CNBD1: variants seen among roughly 807,000 people sequenced by gnomAD.
CNBD1 encodes the protein cyclic nucleotide binding domain containing 1.
A neutral mutation model predicts 54.4 loss-of-function variants in CNBD1; 71 were observed. That is an observed-to-expected ratio of 1.30 (90% CI 1.08 to 1.59). The LOEUF is 1.59. CNBD1 is among the 40% of genes most tolerant of loss of function. The probability of loss-of-function intolerance (pLI) is 0.00; values close to 1 mark genes in which losing one functional copy is unlikely to be tolerated. For missense variants in CNBD1, 659 were observed against 518.0 expected (o/e 1.27, Z -2.64); for synonymous variants, 182 against 170.7 (o/e 1.07, Z -0.51).
At chr8:86,995,306 G>A (rs1022732274) in intron 4 of CNBD1, among the ~76,000 whole-genome samples, 6 of 152,190 alleles carry the variant, frequency 3.9e-5, no homozygotes, top group South Asian at 4.1e-4. Flanking sequence ...TAATTTAAAC[G>A]TTAAGATAGT....
rs115762510 is a variant in CNBD1, at chr8:87,416,034, C to T, written c.214-12512C>T. ...ACACACACAAAAATAGATTTCAAGG[C>T]GGAAAAAAGCTTTACTATAAATAAG... On this transcript the variant is annotated intron_variant, in intron 2 of 7. Coordinates refer to the CNBD1 transcript ENST00000521593. Among the ~76,000 whole-genome samples the T allele has an allele frequency of 8.8e-3, 1,335 of 151,524 alleles. 35 individuals are homozygous for T. Among genetic ancestry groups the T allele is most frequent in the African/African-American group, 0.03 (1,237 of 41,418 alleles).
chr8:87,119,500 T>C (rs1436484658), intron 4 of CNBD1, among the ~76,000 whole-genome samples: 1 of 152,112 alleles, frequency 6.6e-6, no homozygotes, highest in Non-Finnish European at 1.5e-5. Flanking sequence ...TGGATTTTTG[T>C]AGATATAAGG....
intron 8 of CNBD1, among the ~76,000 whole-genome samples, chr8:87,340,072 G>T (rs1331965252): frequency 1.3e-5 from 2 of 152,096 alleles, no homozygotes; most frequent in African/African-American, 4.8e-5. Flanking sequence ...CCTAAGGCAG[G>T]TCTAGTTATA....
chr8:87,391,044 G>A (rs548152691), intron 2 of CNBD1, among the ~76,000 whole-genome samples: 1 of 145,016 alleles, frequency 6.9e-6, no homozygotes, highest in South Asian at 2.4e-4. Flanking sequence ...TGAACAAAGA[G>A]AACCCATGGA....
chr8:87,115,867 G>A (rs543760136), intron 4 of CNBD1, among the ~76,000 whole-genome samples: 1 of 152,184 alleles, frequency 6.6e-6, no homozygotes, highest in East Asian at 1.9e-4. Context: ...TAATCGATCC[G>A]TTTACCTTCT....
At position 87,206,125 on chromosome 8, in the gene CNBD1, G is replaced by A; in HGVS notation, c.564G>A (p.Leu188=). The A allele has an allele frequency of 1.3e-6, 2 of 1,588,776 alleles. No individual in the cohort carries two copies. Among genetic ancestry groups the A allele is most frequent in the Non-Finnish European group, 1.7e-6 (2 of 1,169,606 alleles). ...AGACTGTCTTTTCCGAAACCTGGTT[G>A]AAAGGCAGCACAGGTAATAGACTAA... The part of the protein sequence containing the change: ...LSKTVFSETW[L]KGSTVVANDG... Residue 188 remains leucine (L), a synonymous_variant, in exon 5 of 11, where the codon TTG becomes TTA. Coordinates refer to ENST00000518476, the MANE Select transcript of CNBD1 (RefSeq NM_173538.3).
Position 87,274,685 on chromosome 8 carries a change from G to A in CNBD1, c.772-9993G>A, listed in dbSNP as rs1478707276. Among the ~76,000 whole-genome samples the A allele has an allele frequency of 4.0e-4, 54 of 133,686 alleles. 13 individuals are homozygous for A. Among genetic ancestry groups the A allele is most frequent in the African/African-American group, 1.6e-3 (52 of 32,960 alleles). The allele number at this position is 133,686 out of a possible 152,430, so 87.7% of individuals were successfully genotyped here. On this transcript the variant is annotated intron_variant, in intron 6 of 10. Transcript: ENST00000518476. The stretch of plus-strand genomic sequence containing the variant: ...TGGATATTAGCCCTTTGTCAGATGA[G>A]TAGGTTGTGAAAATTTTCTCCCATT...
chr8:87,389,605 T>C (rs1811266158), intron 2 of CNBD1, among the ~76,000 whole-genome samples: 1 of 151,998 alleles, frequency 6.6e-6, no homozygotes. Flanking sequence ...TAAAAGAGGA[T>C]ACAAACAAAT....
chr8:87,126,389 G>A lies in CNBD1; in HGVS notation c.432-79604G>A, dbSNP rs558496787. On this transcript the variant is annotated intron_variant, in intron 4 of 10. Coordinates refer to ENST00000518476, the MANE Select transcript of CNBD1 (RefSeq NM_173538.3). ...TGTGGTTTGAATTTGCATTTTCCTA[G>A]TGATAACTGGTGTTGAGCATCTTTC... 1.6e-4 allele frequency among the ~76,000 whole-genome samples: 24 copies of A among 152,056 alleles called. No homozygotes were observed. The South Asian group carries it at 4.8e-3, about 30-fold the overall frequency.
chr8:87,052,066 T>A (rs1810322056), intron 4 of CNBD1, among the ~76,000 whole-genome samples: 1 of 152,208 alleles, frequency 6.6e-6, no homozygotes, highest in Non-Finnish European at 1.5e-5. Context: ...TGTCCTGGCT[T>A]ACCACACTGG....
intron 4 of CNBD1, among the ~76,000 whole-genome samples, chr8:87,132,099 T>C (rs1035384888): frequency 1.3e-5 from 2 of 151,952 alleles, no homozygotes; most frequent in African/African-American, 4.8e-5. Context: ...TAATGTGTCT[T>C]GGGGCACTGC....
chr8:87,368,816 G>A (rs1433364637), intron 10 of CNBD1, among the ~76,000 whole-genome samples: 1 of 151,854 alleles, frequency 6.6e-6, no homozygotes, highest in African/African-American at 2.4e-5. Context: ...TCATGCTCAT[G>A]GACAACATAT....
intron 8 of CNBD1, among the ~76,000 whole-genome samples, chr8:87,297,229 CTAATT>C (rs1165297741): frequency 2.8e-5 from 4 of 145,102 alleles, no homozygotes; most frequent in Non-Finnish European, 4.5e-5. Context: ...ATACACATAA[CTAATT>C]TAATATGTGA....
At chr8:87,188,109 T>G (rs1230386772) in intron 4 of CNBD1, among the ~76,000 whole-genome samples, 1 of 152,206 alleles carries the variant, frequency 6.6e-6, no homozygotes, top group Non-Finnish European at 1.5e-5. Context: ...AGGAATTTTT[T>G]ATTCCTGAAA....
chr8:87,185,636 C>G (rs112451774), intron 4 of CNBD1, among the ~76,000 whole-genome samples: 28 of 152,276 alleles, frequency 1.8e-4, no homozygotes, highest in African/African-American at 5.5e-4. Context: ...TTTTTAGAAA[C>G]AAGAACTATT....
intron 10 of CNBD1, among the ~76,000 whole-genome samples, chr8:87,373,875 TAATTTTATAAACTTG>T (rs747854001): frequency 1.1e-3 from 167 of 151,960 alleles, no homozygotes; most frequent in South Asian, 3.5e-3. Flanking sequence ...TGTACAAATG[TAATTTTATAAACTTG>T]TTATCACATT....
chr8:86,936,503 G>A (rs546679792), intron 3 of CNBD1, among the ~76,000 whole-genome samples: 122 of 152,270 alleles, frequency 8.0e-4, no homozygotes, highest in Middle Eastern at 3.4e-3. Context: ...CACTTTGAGA[G>A]GCAGAGGTGG....
intron 2 of CNBD1, among the ~76,000 whole-genome samples, chr8:87,390,871 G>A (rs548212910): frequency 4.6e-5 from 7 of 152,236 alleles, no homozygotes; most frequent in Non-Finnish European, 8.8e-5. Flanking sequence ...ACTGGATTAA[G>A]AAAATATGGC....
intron 4 of CNBD1, among the ~76,000 whole-genome samples, chr8:86,964,822 G>A (rs1563839908): frequency 6.6e-6 from 1 of 152,194 alleles, no homozygotes; most frequent in Admixed American, 6.5e-5. Flanking sequence ...CCTCTCCTGA[G>A]ATGGTCACTA....
Sources: gnomAD v4.1 joint callset for allele counts (sites outside exome capture counted in the v4.1 genomes callset) on GRCh38, gnomAD v4.1.1 for gene constraint, MANE v1.5 for transcripts, NCBI Gene and HGNC (gene_info 2026-07-23, HGNC 2026-07-21) for gene names.